Variants in GRM5 observed in about 807,000 individuals in gnomAD.
GRM5 encodes the protein glutamate metabotropic receptor 5.
A neutral mutation model predicts 83.1 loss-of-function variants in GRM5; 19 were observed. The observed-to-expected ratio is 0.23, with a 90% confidence interval of 0.16 to 0.34. The LOEUF is 0.34. Among genes scored for constraint, GRM5 ranks in the 10% least tolerant of loss-of-function variants. The pLI is 1.00. For missense variants in GRM5, 1,160 were observed against 1,588.3 expected, an observed-to-expected ratio of 0.73 and a Z score of 4.58; for synonymous variants, 675 against 633.6, an observed-to-expected ratio of 1.07 and a Z score of -0.98.
intron 2 of GRM5, among the ~76,000 whole-genome samples, chr11:89,005,197 G>A (rs1940491566): frequency 1.3e-5 from 2 of 152,176 alleles, no homozygotes; most frequent in South Asian, 4.1e-4. Context: ...AATTTTATGT[G>A]TTTAAATGTA....
chr11:88,692,321 A>T (rs1302878323), intron 3 of GRM5, among the ~76,000 whole-genome samples: 2 of 152,240 alleles, frequency 1.3e-5, no homozygotes, highest in Non-Finnish European at 2.9e-5. Context: ...ATTGGATTTT[A>T]TACAGAGTAA....
At chr11:88,698,617 C>T (rs1940956469) in intron 3 of GRM5, among the ~76,000 whole-genome samples, 1 of 152,116 alleles carries the variant, frequency 6.6e-6, no homozygotes, top group Admixed American at 6.6e-5. Flanking sequence ...GTTACTGCCA[C>T]CATCAAAGGG....
At chr11:88,552,915 C>T (rs1942545058) in intron 8 of GRM5, among the ~76,000 whole-genome samples, 1 of 152,156 alleles carries the variant, frequency 6.6e-6, no homozygotes, top group Non-Finnish European at 1.5e-5. Flanking sequence ...AATTAGATAA[C>T]ATGTGCTTTG....
rs775354783 is a variant in GRM5 at position 88,567,124 on chromosome 11, G to A, written c.2559C>T (p.Ser853=). ...VRMHVGDGKS[S]SAASRSSSLV... ...GGCTGCTGGATCTGCTGGCTGCGGA[G>A]GATGACTTGCCATCCCCTACATGCA... Residue 853 remains serine, a synonymous_variant, in exon 8 of 10, where the codon TCC becomes TCT. Transcript: ENST00000305447. The surrounding 1 kb of genome is among the most constrained non-coding windows in gnomAD (Gnocchi z 7.3). The A allele has an allele frequency of 2.5e-6, 4 of 1,614,086 alleles. No individual in the cohort carries two copies. In the East Asian group the frequency reaches 8.9e-5, roughly 36 times the overall value.
chr11:88,754,125 C>T (rs921599456), intron 3 of GRM5, among the ~76,000 whole-genome samples: 1 of 152,072 alleles, frequency 6.6e-6, no homozygotes. Flanking sequence ...AAGATCATGT[C>T]CTTTTCAGGG....
intron 2 of GRM5, among the ~76,000 whole-genome samples, chr11:88,914,161 T>C (rs567610856): frequency 6.6e-6 from 1 of 152,304 alleles, no homozygotes; most frequent in East Asian, 1.9e-4. Flanking sequence ...GAAGTTGACA[T>C]TCTTTGCTTC....
chr11:88,942,174 G>T (rs1416309945), intron 2 of GRM5, among the ~76,000 whole-genome samples: 1 of 152,024 alleles, frequency 6.6e-6, no homozygotes, highest in Admixed American at 6.6e-5. Flanking sequence ...GACTTGTGCT[G>T]TAAGTATTCT....
Position 88,832,143 on chromosome 11 carries a change from C to T in GRM5, c.911+17763G>A, listed in dbSNP as rs533116764. Among the ~76,000 whole-genome samples, 18 of 152,268 alleles carry T rather than the reference C, an allele frequency of 1.2e-4. 1 individual carries two copies. The South Asian group carries it at 3.5e-3, about 30-fold the overall frequency. On this transcript the variant is annotated intron_variant, in intron 3 of 9. Transcript: ENST00000305447. ...ATCATACAAAAACTACACTACTGCA[C>T]ACACTCAGAGCCAAAGTGCCCTATC... is the stretch of plus-strand genomic sequence containing the variant.
chr11:88,686,551 T>C (rs1335362646), intron 3 of GRM5, among the ~76,000 whole-genome samples: 1 of 152,090 alleles, frequency 6.6e-6, no homozygotes, highest in Non-Finnish European at 1.5e-5. Context: ...AATGATATGG[T>C]TTGGCTCTGT....
intron 3 of GRM5, among the ~76,000 whole-genome samples, chr11:88,755,648 A>T (rs1286369837): frequency 6.6e-6 from 1 of 152,136 alleles, no homozygotes; most frequent in African/African-American, 2.4e-5. Flanking sequence ...GCAGTTTTTG[A>T]GTTAGAGACA....
At chr11:88,678,658 A>T (rs1483688908) in intron 3 of GRM5, among the ~76,000 whole-genome samples, 1 of 152,176 alleles carries the variant, frequency 6.6e-6, no homozygotes, top group Admixed American at 6.6e-5. Flanking sequence ...TGCTAATACC[A>T]AATTTAAATG....
At chr11:88,736,364 A>G (rs571034159) in intron 3 of GRM5, among the ~76,000 whole-genome samples, 5 of 152,162 alleles carry the variant, frequency 3.3e-5, no homozygotes, top group African/African-American at 1.2e-4. Context: ...ACTCAGGTAA[A>G]GAAGGGTAAG....
chr11:88,613,466 CT>C (rs1938383362), intron 4 of GRM5, among the ~76,000 whole-genome samples: 1 of 152,096 alleles, frequency 6.6e-6, no homozygotes, highest in African/African-American at 2.4e-5. Context: ...TCTTCTTTGT[CT>C]TTTAAAAAAT....
chr11:88,741,240 A>G (rs1261400493), intron 3 of GRM5, among the ~76,000 whole-genome samples: 1 of 152,032 alleles, frequency 6.6e-6, no homozygotes, highest in Non-Finnish European at 1.5e-5. Context: ...CAGGCAAACT[A>G]CAGAGTACAG....
intron 2 of GRM5, among the ~76,000 whole-genome samples, chr11:88,989,615 A>G (rs993307275): frequency 5.8e-5 from 8 of 139,100 alleles, no homozygotes; most frequent in Non-Finnish European, 1.2e-4. Flanking sequence ...TTGGAAGTAA[A>G]GCTCTCCTCA....
intron 7 of GRM5, among the ~76,000 whole-genome samples, chr11:88,575,991 A>G (rs1705140430): frequency 6.6e-6 from 1 of 152,150 alleles, no homozygotes. Flanking sequence ...AGACATAAAG[A>G]ATGATTTAAT....
intron 3 of GRM5, among the ~76,000 whole-genome samples, chr11:88,748,715 C>T (rs556013629): frequency 1.3e-5 from 2 of 152,070 alleles, no homozygotes; most frequent in African/African-American, 4.8e-5. Context: ...CAGTACCCCC[C>T]CAGGACCAAG....
At position 88,736,219 on chromosome 11, in the gene GRM5, TA is replaced by T. The variant is rs375978127; in HGVS notation, c.912-82817del. 9.8e-3 allele frequency among the ~76,000 whole-genome samples: 1,491 copies of T among 152,042 alleles called. 23 individuals are homozygous for T. The highest frequency in any genetic ancestry group is 0.034 in the African/African-American group (1,432 of 41,524). On this transcript the variant is annotated intron_variant, in intron 3 of 9. Transcript: ENST00000305447. ...CAAGTACACAGAAATGCAACAAACC[TA>T]AAAAAAACTTTCTTGAAAGTAACGG...
chr11:88,599,933 A>G (rs553802628), intron 5 of GRM5, among the ~76,000 whole-genome samples: 219 of 152,272 alleles, frequency 1.4e-3, no homozygotes, highest in African/African-American at 4.9e-3. Context: ...GAATGGCGTG[A>G]ACCCGGGAGA....
Sources: gnomAD v4.1 joint callset for allele counts (sites outside exome capture counted in the v4.1 genomes callset) on GRCh38, gnomAD v4.1.1 for gene constraint, Gnocchi (gnomAD v3.1) non-coding constraint, MANE v1.5 for transcripts, NCBI Gene and HGNC (gene_info 2026-07-23, HGNC 2026-07-21) for gene names.